CTNNA2: variants seen among roughly 807,000 people sequenced by gnomAD.
The protein encoded by CTNNA2 is catenin alpha-2.
CTNNA2 carries 42 observed loss-of-function variants against 101.0 expected under a neutral mutation model. That is an observed-to-expected ratio of 0.42 (90% CI 0.32 to 0.54). The LOEUF (loss-of-function observed/expected upper bound fraction) is 0.54, where lower values mean the gene tolerates loss of function less well. Among genes scored for constraint, CTNNA2 ranks in the 20% least tolerant of loss-of-function variants. The probability of loss-of-function intolerance (pLI) is 0.14; values close to 1 mark genes in which losing one functional copy is unlikely to be tolerated. For synonymous variants in CTNNA2, 450 were observed against 456.4 expected, an observed-to-expected ratio of 0.99 and a Z score of 0.18; for missense variants, 871 against 1,223.1, an observed-to-expected ratio of 0.71 and a Z score of 4.29.
At chr2:80,125,023 A>T (rs1462218252) in intron 7 of CTNNA2, among the ~76,000 whole-genome samples, 1 of 152,106 alleles carries the variant, frequency 6.6e-6, no homozygotes, top group Admixed American at 6.6e-5. Context: ...GGAAGAGAAC[A>T]CCAGTACCAT....
At chr2:80,641,658 A>G (rs1301603364) in intron 18 of CTNNA2, among the ~76,000 whole-genome samples, 1 of 152,124 alleles carries the variant, frequency 6.6e-6, no homozygotes, top group Admixed American at 6.6e-5. Context: ...CAGGAAGTTC[A>G]CCATTCTGAA....
intron 3 of CTNNA2, among the ~76,000 whole-genome samples, chr2:79,324,677 T>A (rs1433913097): frequency 6.6e-6 from 1 of 152,026 alleles, no homozygotes; most frequent in Admixed American, 6.6e-5. Context: ...CTGTGGGCAG[T>A]CCCAGTAGGT....
At position 80,508,146 on chromosome 2, in the gene CTNNA2, G is replaced by A. The variant is rs147714303; in HGVS notation, c.1291-36836G>A. On this transcript the variant is annotated intron_variant, in intron 9 of 18. Coordinates refer to ENST00000402739, the MANE Select transcript of CTNNA2 (RefSeq NM_001282597.3). Reference sequence around the variant, plus strand: ...TACACTTGCTGGTTAAATGTGAGACGGGTACTTTCCAGAAGCTTTCTAAAG... The same window carrying A: ...TACACTTGCTGGTTAAATGTGAGACAGGTACTTTCCAGAAGCTTTCTAAAG... Among the ~76,000 whole-genome samples, 180 of 152,168 alleles carry A rather than the reference G, an allele frequency of 1.2e-3. 2 individuals carry two copies. The highest frequency in any genetic ancestry group is 5.0e-4 in the Non-Finnish European group (34 of 68,014).
At chr2:80,044,854 T>C (rs1311499350) in intron 7 of CTNNA2, among the ~76,000 whole-genome samples, 1 of 152,176 alleles carries the variant, frequency 6.6e-6, no homozygotes, top group Non-Finnish European at 1.5e-5. Flanking sequence ...ATCTTTACTC[T>C]ATTTCAGGGC....
At chr2:79,601,311 A>T (rs1201153475) in intron 1 of CTNNA2, among the ~76,000 whole-genome samples, 6 of 152,296 alleles carry the variant, frequency 3.9e-5, no homozygotes, top group Admixed American at 3.9e-4. Flanking sequence ...CTGGTAAGGA[A>T]ATGGGAAAAG....
At chr2:80,535,707 T>A (rs760249933) in intron 9 of CTNNA2, among the ~76,000 whole-genome samples, 2 of 152,178 alleles carry the variant, frequency 1.3e-5, no homozygotes, top group Non-Finnish European at 2.9e-5. Context: ...TGTCCCCCAG[T>A]GTACTTAAGC....
chr2:80,375,452 A>G (rs1232219951), intron 7 of CTNNA2, among the ~76,000 whole-genome samples: 1 of 152,088 alleles, frequency 6.6e-6, no homozygotes, highest in Non-Finnish European at 1.5e-5. Flanking sequence ...GCTTCTGTAC[A>G]GGTAATGAAA....
At chr2:80,319,069 T>C (rs1016225428) in intron 7 of CTNNA2, among the ~76,000 whole-genome samples, 1 of 152,292 alleles carries the variant, frequency 6.6e-6, no homozygotes, top group East Asian at 1.9e-4. Context: ...CCATCACAGA[T>C]GGGAGCCTGG....
chr2:79,746,039 C>T lies in CTNNA2; in HGVS notation c.298+1457C>T, dbSNP rs74979226. Among the ~76,000 whole-genome samples, 433 of 152,206 alleles carry T rather than the reference C, an allele frequency of 2.8e-3. 7 individuals carry two copies. The East Asian group carries it at 0.048, about 17-fold the overall frequency. On this transcript the variant is annotated intron_variant, in intron 3 of 18. Coordinates refer to ENST00000402739, the MANE Select transcript of CTNNA2 (RefSeq NM_001282597.3). ...GTGCACTCCTACTAATGGTGCACAGCGGTTCCAGTTTCTCCAAATCCTCAC... is the reference window on the plus strand; with the variant it reads ...GTGCACTCCTACTAATGGTGCACAGTGGTTCCAGTTTCTCCAAATCCTCAC...
At chr2:79,341,935 C>T (rs549261978) in intron 3 of CTNNA2, among the ~76,000 whole-genome samples, 2 of 152,270 alleles carry the variant, frequency 1.3e-5, no homozygotes, top group South Asian at 4.1e-4. Flanking sequence ...GAAAGGGTGT[C>T]ACGTTAACTT....
intron 6 of CTNNA2, among the ~76,000 whole-genome samples, chr2:79,884,751 C>CTTTTTTTT: frequency 1.4e-5 from 2 of 138,406 alleles, no homozygotes; most frequent in Non-Finnish European, 1.5e-5. Context: ...TTTAAATATG[C>CTTTTTTTT]TTTTTTTTTT....
intron 3 of CTNNA2, among the ~76,000 whole-genome samples, chr2:79,327,975 C>CA (rs1553399306): frequency 6.6e-6 from 1 of 151,692 alleles, no homozygotes; most frequent in Non-Finnish European, 1.5e-5. Context: ...CATGGGGTTG[C>CA]GGGGGTGAGG....
At chr2:80,288,235 G>A (rs1202030522) in intron 7 of CTNNA2, 2 of 152,102 alleles carry the variant, frequency 1.3e-5, no homozygotes, top group African/African-American at 4.8e-5. Context: ...TATGTTTGCT[G>A]TTAGAAAATT....
intron 2 of CTNNA2, among the ~76,000 whole-genome samples, chr2:79,294,327 C>A (rs1675918677): frequency 6.6e-6 from 1 of 152,008 alleles, no homozygotes; most frequent in African/African-American, 2.4e-5. Flanking sequence ...TCTCTGGTAT[C>A]TATTCTTATG....
chr2:80,366,470 A>G (rs1026805094), intron 7 of CTNNA2, among the ~76,000 whole-genome samples: 6 of 152,094 alleles, frequency 3.9e-5, no homozygotes, highest in Non-Finnish European at 8.8e-5. Flanking sequence ...ACGCATTTGC[A>G]TATTTGATAA....
At chr2:80,374,563 A>G (rs991910502) in intron 7 of CTNNA2, among the ~76,000 whole-genome samples, 2 of 152,096 alleles carry the variant, frequency 1.3e-5, no homozygotes, top group Non-Finnish European at 2.9e-5. Flanking sequence ...TCTGGAGACT[A>G]GAAGTCTGAG....
At chr2:80,084,830 T>A (rs1341963745) in intron 7 of CTNNA2, among the ~76,000 whole-genome samples, 1 of 152,090 alleles carries the variant, frequency 6.6e-6, no homozygotes, top group Admixed American at 6.6e-5. Flanking sequence ...TGTTCTGTGA[T>A]GTTTTAGGTA....
chr2:80,617,745 A>G (rs1698973552), intron 17 of CTNNA2, among the ~76,000 whole-genome samples: 1 of 151,810 alleles, frequency 6.6e-6, no homozygotes, highest in South Asian at 2.1e-4. Flanking sequence ...TTAAATTGCA[A>G]TTATTGTAAT....
rs532240463 is a variant in CTNNA2, at chr2:80,339,638, A to G, written c.1057-53573A>G. Among the ~76,000 whole-genome samples the G allele has an allele frequency of 4.6e-5, 7 of 152,320 alleles. No homozygotes were observed. The South Asian group carries it at 8.3e-4, about 18-fold the overall frequency. On this transcript the variant is annotated intron_variant, in intron 7 of 18. Coordinates refer to ENST00000402739, the MANE Select transcript of CTNNA2 (RefSeq NM_001282597.3). ...CAACTAGTCATCCCCTACTGATTAA[A>G]TACCTACCATGGGTTTGGTGCTACT...
Sources: gnomAD v4.1 joint callset for allele counts (sites outside exome capture counted in the v4.1 genomes callset) on GRCh38, gnomAD v4.1.1 for gene constraint, MANE v1.5 for transcripts, NCBI Gene and HGNC (gene_info 2026-07-23, HGNC 2026-07-21) for gene names.